Variants in FBXL17 observed in about 807,000 individuals in gnomAD.
FBXL17 encodes the protein F-box/LRR-repeat protein 17.
In FBXL17, 22 loss-of-function variants were observed where a neutral mutation model predicts 66.2. The observed-to-expected ratio is 0.33, with a 90% CI of 0.24 to 0.47. FBXL17 has a LOEUF of 0.47. FBXL17 is among the 20% of genes least tolerant of loss of function. The pLI, the probability that FBXL17 is intolerant of heterozygous loss-of-function variation, is 1.00. For missense variants in FBXL17, 878 were observed against 948.2 expected, an observed-to-expected ratio of 0.93 and a Z score of 0.97; for synonymous variants, 474 against 400.5, an observed-to-expected ratio of 1.18 and a Z score of -2.19.
chr5:108,070,479 G>T (rs1748286070), intron 6 of FBXL17, among the ~76,000 whole-genome samples: 2 of 152,144 alleles, frequency 1.3e-5, no homozygotes, highest in Admixed American at 6.5e-5. Context: ...GTCCCCAACA[G>T]GGTTTACTTA....
At chr5:108,100,542 T>C (rs1749561378) in intron 6 of FBXL17, among the ~76,000 whole-genome samples, 1 of 152,174 alleles carries the variant, frequency 6.6e-6, no homozygotes, top group Non-Finnish European at 1.5e-5. Flanking sequence ...ATAATGTAGG[T>C]TCTTGATCAT....
At chr5:107,961,514 A>G (rs1262906636) in intron 7 of FBXL17, among the ~76,000 whole-genome samples, 1 of 152,126 alleles carries the variant, frequency 6.6e-6, no homozygotes, top group African/African-American at 2.4e-5. Context: ...GGTGTGAGGC[A>G]CCACATCTGG....
chr5:108,143,740 A>AG (rs935602870), intron 6 of FBXL17, among the ~76,000 whole-genome samples: 3 of 150,774 alleles, frequency 2.0e-5, no homozygotes, highest in African/African-American at 7.3e-5. Context: ...AAAAAAAAAA[A>AG]AAAAAAAAAA....
Position 108,095,344 on chromosome 5 carries a change from T to A in FBXL17, c.1746-74343A>T, listed in dbSNP as rs536906811. On this transcript the variant is annotated intron_variant, in intron 6 of 8. Coordinates refer to ENST00000542267, the MANE Select transcript of FBXL17 (RefSeq NM_001163315.3). The stretch of plus-strand genomic sequence containing the variant: ...TGCTTTCTCACTTAATATGTGGTAT[T>A]TATTTAACCTTTACCATACAGGAAG... Among the ~76,000 whole-genome samples the A allele has an allele frequency of 7.9e-5, 12 of 152,176 alleles. No homozygotes were observed. In the East Asian group the frequency reaches 2.3e-3, roughly 29 times the overall value.
chr5:108,331,894 C>T (rs913187667), intron 4 of FBXL17, among the ~76,000 whole-genome samples: 1 of 152,020 alleles, frequency 6.6e-6, no homozygotes. Flanking sequence ...TTCAAGGGAC[C>T]AACATATAGA....
chr5:108,356,681 A>C (rs1028951766), intron 3 of FBXL17, among the ~76,000 whole-genome samples: 3 of 152,102 alleles, frequency 2.0e-5, no homozygotes, highest in Admixed American at 6.6e-5. Flanking sequence ...GGAGCGAATA[A>C]ATAGGCAGAA....
intron 4 of FBXL17, among the ~76,000 whole-genome samples, chr5:108,325,281 C>T (rs994666017): frequency 1.3e-5 from 2 of 152,028 alleles, no homozygotes; most frequent in South Asian, 4.1e-4. Flanking sequence ...CCATCAAATT[C>T]AGTCAAGGAA....
At chr5:107,916,317 C>T (rs1750131138) in intron 7 of FBXL17, among the ~76,000 whole-genome samples, 1 of 152,180 alleles carries the variant, frequency 6.6e-6, no homozygotes, top group African/African-American at 2.4e-5. Context: ...GTTGGGAATG[C>T]TCTTTGTTGA....
chr5:108,364,399 G>A (rs955979270), intron 3 of FBXL17, among the ~76,000 whole-genome samples: 4 of 151,794 alleles, frequency 2.6e-5, no homozygotes. Flanking sequence ...TATAATAAAA[G>A]GGGAATTAAA....
intron 7 of FBXL17, among the ~76,000 whole-genome samples, chr5:107,915,632 A>G (rs1750103035): frequency 6.6e-6 from 1 of 152,210 alleles, no homozygotes; most frequent in Admixed American, 6.5e-5. Context: ...CTTGGGACAT[A>G]TAATTTTAGA....
At chr5:107,888,736 C>T (rs1749055988) in intron 7 of FBXL17, among the ~76,000 whole-genome samples, 1 of 151,972 alleles carries the variant, frequency 6.6e-6, no homozygotes, top group Non-Finnish European at 1.5e-5. Flanking sequence ...TTTCATTCTG[C>T]TGATGGACAT....
chr5:107,909,009 T>C (rs913570940), intron 7 of FBXL17, among the ~76,000 whole-genome samples: 16 of 152,160 alleles, frequency 1.1e-4, no homozygotes, highest in African/African-American at 3.9e-4. Flanking sequence ...GTGCCCCATC[T>C]TAACTATGAT....
intron 1 of FBXL17, among the ~76,000 whole-genome samples, chr5:108,375,160 C>G (rs892127430): frequency 6.6e-6 from 1 of 152,058 alleles, no homozygotes; most frequent in African/African-American, 2.4e-5. Flanking sequence ...TTGAGACCAG[C>G]CTGGAAAACA....
intron 4 of FBXL17, among the ~76,000 whole-genome samples, chr5:108,282,299 C>A (rs1377025283): frequency 2.0e-5 from 3 of 151,738 alleles, no homozygotes; most frequent in Admixed American, 2.0e-4. Context: ...TCCAACTGAA[C>A]ATCCAAAAAA....
Position 108,221,085 on chromosome 5 carries a change from G to A in FBXL17, c.1614+3036C>T, listed in dbSNP as rs1163864310. Among the ~76,000 whole-genome samples the A allele has an allele frequency of 5.3e-5, 8 of 152,294 alleles. No homozygotes were observed. The East Asian group carries it at 1.3e-3, about 26-fold the overall frequency. ...CTGGACTCTCATTAACACAGTCATAGCAGCTTAGAAAGGCTTCTTATCCCA... is the reference window on the plus strand; with the variant it reads ...CTGGACTCTCATTAACACAGTCATAACAGCTTAGAAAGGCTTCTTATCCCA... On this transcript the variant is annotated intron_variant, in intron 5 of 8. Coordinates refer to ENST00000542267, the MANE Select transcript of FBXL17 (RefSeq NM_001163315.3).
rs142025918 is a variant in FBXL17 at position 107,882,153 on chromosome 5, A to G, written c.1823-974T>C. 6.2e-4 allele frequency among the ~76,000 whole-genome samples: 95 copies of G among 152,332 alleles called. 1 individual carries two copies. The East Asian group carries it at 0.01, about 17-fold the overall frequency. ...AACAGTGCCACAAATATCAAAAAGAAAAGAGAAATGGTTTTCTGATAATTT... is the reference window on the plus strand; with the variant it reads ...AACAGTGCCACAAATATCAAAAAGAGAAGAGAAATGGTTTTCTGATAATTT... On this transcript the variant is annotated intron_variant, in intron 7 of 8. Transcript: ENST00000542267.
intron 4 of FBXL17, among the ~76,000 whole-genome samples, chr5:108,244,283 A>G (rs1755994598): frequency 6.6e-6 from 1 of 152,166 alleles, no homozygotes; most frequent in Admixed American, 6.5e-5. Context: ...TAATTCTTAT[A>G]TTAATTTAAA....
chr5:108,265,248 T>C (rs1042633388), intron 4 of FBXL17, among the ~76,000 whole-genome samples: 3 of 152,090 alleles, frequency 2.0e-5, no homozygotes, highest in African/African-American at 7.2e-5. Flanking sequence ...CCTAATCGGA[T>C]AGAACTATCT....
chr5:108,042,363 C>A (rs1169481396), intron 6 of FBXL17, among the ~76,000 whole-genome samples: 2 of 152,164 alleles, frequency 1.3e-5, no homozygotes, highest in East Asian at 3.9e-4. Flanking sequence ...GAGAACATTT[C>A]CATCACTAGA....
Sources: gnomAD v4.1 joint callset for allele counts (sites outside exome capture counted in the v4.1 genomes callset) on GRCh38, gnomAD v4.1.1 for gene constraint, MANE v1.5 for transcripts, NCBI Gene and HGNC (gene_info 2026-07-23, HGNC 2026-07-21) for gene names.